POU2AF2: variants seen among roughly 807,000 people sequenced by gnomAD.
POU2AF2 encodes the protein POU domain class 2-associating factor 2.
the POU2AF2 span, among the ~76,000 whole-genome samples, chr11:111,263,624 G>A: frequency 2.0e-5 from 3 of 151,902 alleles, no homozygotes; most frequent in East Asian, 5.8e-4. Flanking sequence ...GTAGAGACAG[G>A]GTTTCACCAT....
the POU2AF2 span, among the ~76,000 whole-genome samples, chr11:111,273,581 T>C: frequency 6.6e-6 from 1 of 152,240 alleles, no homozygotes; most frequent in Non-Finnish European, 1.5e-5. Flanking sequence ...CTAAATTTTA[T>C]CTCAATTTGA....
At chr11:111,249,252 A>T in the POU2AF2 span, among the ~76,000 whole-genome samples, 1 of 152,122 alleles carries the variant, frequency 6.6e-6, no homozygotes, top group Non-Finnish European at 1.5e-5. Flanking sequence ...TGCACAGGGG[A>T]AAAAAATGTT....
At chr11:111,264,534 A>G in the POU2AF2 span, among the ~76,000 whole-genome samples, 10 of 68,732 alleles carry the variant, frequency 1.5e-4, no homozygotes, top group Admixed American at 3.7e-4. Context: ...GAAAGAAAGA[A>G]AGAAAGAAAG....
the POU2AF2 span, among the ~76,000 whole-genome samples, chr11:111,277,302 G>A: frequency 1.3e-5 from 2 of 152,156 alleles, no homozygotes; most frequent in Non-Finnish European, 2.9e-5. Flanking sequence ...AAATCCACTA[G>A]ACCTTTAATT....
At chr11:111,251,060 T>C in the POU2AF2 span, among the ~76,000 whole-genome samples, 1 of 152,150 alleles carries the variant, frequency 6.6e-6, no homozygotes, top group African/African-American at 2.4e-5. Flanking sequence ...TTTCAAAGGA[T>C]CATCCTGTCT....
At chr11:111,268,940 G>A in the POU2AF2 span, among the ~76,000 whole-genome samples, 1 of 151,174 alleles carries the variant, frequency 6.6e-6, no homozygotes, top group African/African-American at 2.4e-5. Flanking sequence ...TGTTCTCTTT[G>A]TGTTTGACTG....
chr11:111,278,029 G>T, the POU2AF2 span, among the ~76,000 whole-genome samples: 12 of 152,008 alleles, frequency 7.9e-5, no homozygotes, highest in Non-Finnish European at 1.3e-4. Flanking sequence ...TTACATGCCC[G>T]AGAGTTCCCT....
At chr11:111,256,053 A>C in the POU2AF2 span, 9 of 399,168 alleles carry the variant, frequency 2.3e-5, no homozygotes, top group South Asian at 8.9e-4. Context: ...ATCTCCTGGC[A>C]GAAAAACGAT....
At chr11:111,253,952 G>A in the POU2AF2 span, among the ~76,000 whole-genome samples, 80 of 152,134 alleles carry the variant, frequency 5.3e-4, no homozygotes, top group African/African-American at 1.8e-3. Context: ...CTCTCTCCCC[G>A]CTACAAGGAA....
At chr11:111,280,091 G>C in the POU2AF2 span, among the ~76,000 whole-genome samples, 2 of 132,138 alleles carry the variant, frequency 1.5e-5, no homozygotes, top group Non-Finnish European at 3.3e-5. Flanking sequence ...TCTTTTGGAG[G>C]GGGCACATAA....
the POU2AF2 span, among the ~76,000 whole-genome samples, chr11:111,252,151 C>T: frequency 6.6e-6 from 1 of 152,182 alleles, no homozygotes; most frequent in East Asian, 1.9e-4. Flanking sequence ...GGCCCTCCTC[C>T]TTCCCAGAGT....
chr11:111,268,478 TTTTA>T, the POU2AF2 span, among the ~76,000 whole-genome samples: 59 of 21,952 alleles, frequency 2.7e-3, 1 homozygote, highest in East Asian at 0.021. Context: ...ATTTTTCTTT[TTTTA>T]TTTTATTTTA....
chr11:111,264,659 AAG>A, the POU2AF2 span, among the ~76,000 whole-genome samples: 1 of 150,806 alleles, frequency 6.6e-6, no homozygotes, highest in Non-Finnish European at 1.5e-5. Context: ...AAGAAAAAGA[AAG>A]AGGGAGGGAG....
At chr11:111,263,083 A>G in the POU2AF2 span, among the ~76,000 whole-genome samples, 3 of 152,314 alleles carry the variant, frequency 2.0e-5, no homozygotes, top group African/African-American at 7.2e-5. Context: ...CCCTAACACA[A>G]TTCAACTTTA....
chr11:111,275,119 G>T, the POU2AF2 span, among the ~76,000 whole-genome samples: 1 of 152,162 alleles, frequency 6.6e-6, no homozygotes, highest in South Asian at 2.1e-4. Flanking sequence ...AATGTTGGGA[G>T]TCATGGAAAA....
chr11:111,264,551 AGAAAGAAAGAAAGAAAGAAAGAAAGG>A, the POU2AF2 span, among the ~76,000 whole-genome samples: 1,978 of 72,498 alleles, frequency 0.027, 223 homozygotes, highest in Admixed American at 0.089. Context: ...AAAGAAAGAA[AGAAAGAAAGAAAGAAAGAAAGAAAGG>A]GAGAGAGAAA....
At chr11:111,255,445 A>G in the POU2AF2 span, among the ~76,000 whole-genome samples, 1 of 152,210 alleles carries the variant, frequency 6.6e-6, no homozygotes, top group Non-Finnish European at 1.5e-5. Flanking sequence ...ATGTTGAATC[A>G]CCGATTTTCA....
At chr11:111,274,675 T>C in the POU2AF2 span, among the ~76,000 whole-genome samples, 1 of 149,654 alleles carries the variant, frequency 6.7e-6, no homozygotes, top group African/African-American at 2.4e-5. Flanking sequence ...ATATAATATA[T>C]AAATTTATAT....
the POU2AF2 span, among the ~76,000 whole-genome samples, chr11:111,276,451 A>AT: frequency 4.4e-3 from 186 of 41,882 alleles, no homozygotes; most frequent in African/African-American, 0.012. Flanking sequence ...AAAAAAAAAA[A>AT]AAATATATAT....
Sources: gnomAD v4.1 joint callset for allele counts (sites outside exome capture counted in the v4.1 genomes callset) on GRCh38, gnomAD v4.1.1 for gene constraint, MANE v1.5 for transcripts, NCBI Gene and HGNC (gene_info 2026-07-23, HGNC 2026-07-21) for gene names.